Variants in STK10 observed in about 807,000 individuals in gnomAD.
STK10 encodes serine/threonine-protein kinase 10.
A neutral mutation model predicts 113.8 loss-of-function variants in STK10; 78 were observed. The observed-to-expected ratio is 0.69, with a 90% CI of 0.57 to 0.83. STK10 has a LOEUF of 0.83. Among genes scored for constraint, STK10 ranks in the 40% least tolerant of loss-of-function variants. STK10 has a pLI of 0.00. For missense variants in STK10, 1,109 were observed against 1,280.1 expected (o/e 0.87, Z 2.04); for synonymous variants, 465 against 494.7 (o/e 0.94, Z 0.80).
chr5:172,187,934 C>G lies in STK10; in HGVS notation c.109G>C (p.Glu37Gln). ...RRDLDPNEVWEIVGELGDGAF... is the reference protein window; with the variant it reads ...RRDLDPNEVWQIVGELGDGAF... ...CCGTCGCCCAGCTCGCCCACGATCT[C>G]CCACACCTCGTTGGGGTCCAGGTCG... The change falls in exon 1 of 19, where the codon GAG (glutamate) becomes CAG (glutamine). Residue 37 changes from glutamate to glutamine, a missense_variant. Physicochemically the swap from Glu to Gln is conservative, Grantham distance 29 (BLOSUM62 2). Coordinates refer to ENST00000176763, the MANE Select transcript of STK10 (RefSeq NM_005990.4). This position sits in a 1 kb window ranked among gnomAD's most constrained non-coding sequence, Gnocchi z 4.6. 1 of 1,613,576 alleles carries G rather than the reference C, an allele frequency of 6.2e-7. No individual in the cohort carries two copies. Among genetic ancestry groups the G allele is most frequent in the Non-Finnish European group, 8.5e-7 (1 of 1,179,820 alleles).
chr5:172,100,997 T>C (rs941679321), intron 7 of STK10, among the ~76,000 whole-genome samples: 3 of 152,158 alleles, frequency 2.0e-5, no homozygotes, highest in Non-Finnish European at 2.9e-5. Flanking sequence ...ACAGGCTGTG[T>C]GACTTTGTGC....
At chr5:172,065,413 T>C (rs760805737) in intron 12 of STK10, among the ~76,000 whole-genome samples, 1 of 151,492 alleles carries the variant, frequency 6.6e-6, no homozygotes, top group Non-Finnish European at 1.5e-5. Flanking sequence ...TTAGTAGAGA[T>C]GGGGTTTCAC....
At chr5:172,101,835 C>A (rs945052914) in intron 7 of STK10, among the ~76,000 whole-genome samples, 2 of 152,082 alleles carry the variant, frequency 1.3e-5, no homozygotes, top group African/African-American at 2.4e-5. Flanking sequence ...CCATTCCAGG[C>A]GGCATGGACA....
At chr5:172,131,323 C>T (rs1353326275) in intron 2 of STK10, among the ~76,000 whole-genome samples, 4 of 152,168 alleles carry the variant, frequency 2.6e-5, no homozygotes, top group South Asian at 2.1e-4. Context: ...CGTGAGCCCC[C>T]GCGCCTGGCC....
chr5:172,187,844 A>T lies in STK10; in HGVS notation c.156+43T>A, dbSNP rs1770984682. 2 of 1,602,054 alleles carry T rather than the reference A, an allele frequency of 1.2e-6. No individual in the cohort carries two copies. Among genetic ancestry groups the T allele is most frequent in the East Asian group, 4.5e-5 (2 of 44,242 alleles). On this transcript the variant is annotated intron_variant, in intron 1 of 18. Transcript: ENST00000176763. This position sits in a 1 kb window ranked among gnomAD's most constrained non-coding sequence, Gnocchi z 4.6. ...CGGCTCAGGCATCCCTTCCTTCCGGAGCCCCTCGACGCGCGTCCGGCCACC... is the reference window on the plus strand; with the variant it reads ...CGGCTCAGGCATCCCTTCCTTCCGGTGCCCCTCGACGCGCGTCCGGCCACC...
At chr5:172,181,628 C>CAT in intron 1 of STK10, among the ~76,000 whole-genome samples, 3 of 151,288 alleles carry the variant, frequency 2.0e-5, no homozygotes, top group Admixed American at 6.6e-5. Flanking sequence ...GGATTACAGG[C>CAT]GCCCACCACC....
At chr5:172,047,641 A>G (rs1352529794) in intron 18 of STK10, among the ~76,000 whole-genome samples, 2 of 152,198 alleles carry the variant, frequency 1.3e-5, no homozygotes, top group East Asian at 3.8e-4. Context: ...GCCATCACAC[A>G]GCTGAGATGG....
Position 172,119,744 on chromosome 5 carries a change from G to A in STK10, c.371-2114C>T, listed in dbSNP as rs1400363729. ...CCGGGCGTAGTGGCGGGCGCCTGTA[G>A]TCCCAGCTACTCGGGAGGCTGAGGC... On this transcript the variant is annotated intron_variant, in intron 3 of 18. Coordinates refer to ENST00000176763, the MANE Select transcript of STK10 (RefSeq NM_005990.4). Among the ~76,000 whole-genome samples the A allele has an allele frequency of 5.5e-5, 8 of 145,062 alleles. No individual in the cohort carries two copies. In the South Asian group the frequency reaches 1.1e-3, roughly 20 times the overall value.
intron 1 of STK10, among the ~76,000 whole-genome samples, chr5:172,177,591 A>G (rs1301625182): frequency 2.6e-5 from 4 of 152,252 alleles, no homozygotes; most frequent in African/African-American, 9.6e-5. Context: ...ATGTGCCATA[A>G]GTGCAACACC....
At chr5:172,064,477 T>G in intron 13 of STK10, 3 of 558,862 alleles carry the variant, frequency 5.4e-6, no homozygotes, top group South Asian at 2.3e-5. Flanking sequence ...GTTTGGGAGG[T>G]GGTCAATGTA....
intron 12 of STK10, among the ~76,000 whole-genome samples, chr5:172,075,548 G>A (rs999060536): frequency 1.1e-4 from 17 of 152,204 alleles, no homozygotes; most frequent in African/African-American, 4.1e-4. Context: ...ATGGTGGCAG[G>A]TGCCTGTAGT....
chr5:172,093,668 T>C lies in STK10; in HGVS notation c.1298A>G (p.Gln433Arg), dbSNP rs758597618. The C allele has an allele frequency of 6.2e-7, 1 of 1,614,252 alleles. No homozygotes were observed. The highest frequency in any genetic ancestry group is 8.5e-7 in the Non-Finnish European group (1 of 1,180,040). ...GGCTGCTGGGCTGAGGTCCCCACCC[T>C]GCTCAGCAACTTGCTTCTCCTGGGC... ...QVAQEKQVAEQGGDLSPAANR... is the reference protein window; with the variant it reads ...QVAQEKQVAERGGDLSPAANR... The change falls in exon 9 of 19, where the codon CAG (glutamine) becomes CGG (arginine). Residue 433 changes from glutamine to arginine, a missense_variant. Gln to Arg is a conservative substitution (Grantham distance 43, BLOSUM62 1). Coordinates refer to ENST00000176763, the MANE Select transcript of STK10 (RefSeq NM_005990.4). This position sits in a 1 kb window ranked among gnomAD's most constrained non-coding sequence, Gnocchi z 4.1.
intron 3 of STK10, among the ~76,000 whole-genome samples, chr5:172,126,992 C>G (rs947251665): frequency 1.3e-5 from 2 of 152,100 alleles, no homozygotes; most frequent in Non-Finnish European, 2.9e-5. Context: ...AACCCAACCC[C>G]TCCATCTCTA....
intron 1 of STK10, 106 bp from the exon 2 acceptor site, chr5:172,156,894 TC>T: frequency 1.5e-6 from 2 of 1,322,576 alleles, no homozygotes; most frequent in Non-Finnish European, 2.1e-6. Context: ...AGGCCGGATG[TC>T]CAGATGCTGA....
chr5:172,184,397 G>A (rs1770915985), intron 1 of STK10, among the ~76,000 whole-genome samples: 1 of 152,114 alleles, frequency 6.6e-6, no homozygotes. Context: ...AGGAAAAAGT[G>A]TTCAACTGAA....
At chr5:172,121,635 C>T (rs1455875114) in intron 3 of STK10, among the ~76,000 whole-genome samples, 7 of 152,008 alleles carry the variant, frequency 4.6e-5, no homozygotes, top group Non-Finnish European at 8.8e-5. Flanking sequence ...GGAGAAACCC[C>T]GTCTCTACTA....
chr5:172,139,914 A>C (rs1429352916), intron 2 of STK10, among the ~76,000 whole-genome samples: 2 of 151,696 alleles, frequency 1.3e-5, no homozygotes, highest in Non-Finnish European at 2.9e-5. Context: ...AAAAAAAAAA[A>C]AAAACCCAAA....
At chr5:172,055,529 C>A in intron 16 of STK10, 59 bp downstream of exon 16, 1 of 1,346,168 alleles carries the variant, frequency 7.4e-7, no homozygotes, top group Non-Finnish European at 9.6e-7. Flanking sequence ...CAGGTCCCGC[C>A]AAACCTGGCC....
At chr5:172,169,328 G>A (rs752905556) in intron 1 of STK10, among the ~76,000 whole-genome samples, 2 of 152,220 alleles carry the variant, frequency 1.3e-5, no homozygotes, top group South Asian at 2.1e-4. Context: ...GCACAGAAGA[G>A]CCAGTGGGTA....
Sources: allele counts gnomAD v4.1 joint callset (sites outside exome capture counted in the v4.1 genomes callset), GRCh38; gene constraint gnomAD v4.1.1; non-coding constraint Gnocchi (gnomAD v3.1); transcripts MANE v1.5; gene names NCBI Gene and HGNC (gene_info 2026-07-23, HGNC 2026-07-21).